The following APC2 variants were observed in gnomAD, a reference collection of about 807,000 sequenced individuals.
APC2 encodes the protein APC regulator of Wnt signaling pathway 2, also known as adenomatous polyposis coli protein 2.
A neutral mutation model predicts 72.5 loss-of-function variants in APC2; 41 were observed. That is an observed-to-expected ratio of 0.57 (90% CI 0.44 to 0.73). The LOEUF is 0.73. Among genes scored for constraint, APC2 ranks in the 30% least tolerant of loss-of-function variants. APC2 has a pLI of 0.00. For synonymous variants in APC2, 1,898 were observed against 1,612.0 expected, an observed-to-expected ratio of 1.18 and a Z score of -4.25; for missense variants, 3,729 against 3,403.4, an observed-to-expected ratio of 1.10 and a Z score of -2.38.
At chr19:1,460,473 C>T (rs971632816) in intron 11 of APC2, among the ~76,000 whole-genome samples, 153 bp downstream of exon 11, 6 of 152,256 alleles carry the variant, frequency 3.9e-5, no homozygotes, top group Middle Eastern at 3.2e-3. Context: ...CCAGAGAGTG[C>T]GGTGTGGGGG....
At position 1,452,729 on chromosome 19, in the gene APC2, C is replaced by G; in HGVS notation, c.-18-255C>G. ...ACTGGTCAGTTGGACGTTCAGCTGT[C>G]TGTACGTCTGTCTGCTGGCCCCTCT... On this transcript the variant is annotated intron_variant, in intron 1 of 14. Coordinates refer to ENST00000590469, the MANE Select transcript of APC2 (RefSeq NM_005883.3). This position sits in a 1 kb window ranked among gnomAD's most constrained non-coding sequence, Gnocchi z 5.1. 2 of 495,832 alleles carry G rather than the reference C, an allele frequency of 4.0e-6. No individual in the cohort carries two copies. Among genetic ancestry groups the G allele is most frequent in the Non-Finnish European group, 7.3e-6 (2 of 274,724 alleles). The allele number at this position is 495,832 out of a possible 1,614,324, so 30.7% of individuals were successfully genotyped here. A position where few individuals can be genotyped will look rare whatever the true frequency, so the allele number is the denominator to read the frequency against.
chr19:1,465,164 C>A lies in APC2; in HGVS notation c.1863C>A (p.Leu621=). 1 of 1,599,830 alleles carries A rather than the reference C, an allele frequency of 6.3e-7. No homozygotes were observed. Among genetic ancestry groups the A allele is most frequent in the South Asian group, 1.1e-5 (1 of 88,924 alleles). Reference sequence around the variant, plus strand: ...CGCCCTGTGCCTACAGGCAGGTGCTCCGGGATCACAACTGTCTGCAGACGC... The same window carrying A: ...CGCCCTGTGCCTACAGGCAGGTGCTACGGGATCACAACTGTCTGCAGACGC... ...VATREDYRQV[L]RDHNCLQTLL... Residue 621 remains leucine, a synonymous_variant, in exon 15 of 15, where the codon CTC becomes CTA. Coordinates refer to ENST00000590469, the MANE Select transcript of APC2 (RefSeq NM_005883.3).
At chr19:1,459,174 TGCAC>T (rs1211827124) in intron 10 of APC2, among the ~76,000 whole-genome samples, 2 of 152,140 alleles carry the variant, frequency 1.3e-5, no homozygotes, top group Non-Finnish European at 2.9e-5. Flanking sequence ...ATCCTCAAGG[TGCAC>T]CTACGCCATA....
upstream of APC2, among the ~76,000 whole-genome samples, chr19:1,449,965 C>T (rs1424422785): frequency 6.6e-6 from 1 of 152,170 alleles, no homozygotes; most frequent in Non-Finnish European, 1.5e-5. Flanking sequence ...CCCCCGCACT[C>T]ACGGCCCCTG....
At chr19:1,455,580 G>T (rs984205559) in intron 6 of APC2, 80 bp downstream of exon 6, 50 of 1,364,380 alleles carry the variant, frequency 3.7e-5, no homozygotes, top group Non-Finnish European at 4.9e-5. Context: ...TATTATGGGC[G>T]GGGTCTGGGG....
chr19:1,459,944 G>C (rs972563703), intron 10 of APC2, among the ~76,000 whole-genome samples: 1 of 152,220 alleles, frequency 6.6e-6, no homozygotes, highest in Non-Finnish European at 1.5e-5. Context: ...AGCCAGGACC[G>C]AGGGCTGACA....
chr19:1,455,613 C>T (rs373452170), intron 6 of APC2, 113 bp downstream of exon 6: 4 of 1,069,544 alleles, frequency 3.7e-6, no homozygotes, highest in East Asian at 2.6e-5. Context: ...TCTTATGCCT[C>T]CTGGGTTGGG....
chr19:1,464,749 C>T (rs1044348977), intron 14 of APC2, among the ~76,000 whole-genome samples: 41 of 149,832 alleles, frequency 2.7e-4, no homozygotes, highest in African/African-American at 7.9e-4. Context: ...GCTCGTGCCT[C>T]GGCCTCCCGG....
chr19:1,465,726 C>A lies in APC2; in HGVS notation c.2425C>A (p.Pro809Thr). The A allele has an allele frequency of 1.3e-6, 2 of 1,556,960 alleles. No homozygotes were observed. Among genetic ancestry groups the A allele is most frequent in the Non-Finnish European group, 8.7e-7 (1 of 1,153,190 alleles). The change falls in exon 15 of 15, where the codon CCC becomes ACC. Residue 809 changes from proline to threonine, a missense_variant. Pro to Thr is a conservative substitution (Grantham distance 38). Coordinates refer to ENST00000590469, the MANE Select transcript of APC2 (RefSeq NM_005883.3). ...CGCGCTGTCCCTCTTCCTGGGCAGCCCCTTCCTGCAGGGGCAGGCGCTGGC... is the reference window on the plus strand; with the variant it reads ...CGCGCTGTCCCTCTTCCTGGGCAGCACCTTCCTGCAGGGGCAGGCGCTGGC... ...PAALSLFLGS[P>T]FLQGQALART...
At chr19:1,451,728 G>C (rs2083745018) in intron 1 of APC2, 1 of 152,390 alleles carries the variant, frequency 6.6e-6, no homozygotes, top group Admixed American at 6.5e-5. Flanking sequence ...CTGAGACTCA[G>C]GACAGACCAA....
upstream of APC2, among the ~76,000 whole-genome samples, chr19:1,449,642 C>T (rs976102707): frequency 6.6e-6 from 1 of 152,092 alleles, no homozygotes; most frequent in Non-Finnish European, 1.5e-5. Flanking sequence ...CCCTCCTCCC[C>T]TCTCCCCTCC....
Position 1,470,679 on chromosome 19 carries a change from G to T in APC2, c.*466G>T, listed in dbSNP as rs1232251483. The T allele has an allele frequency of 6.2e-6, 1 of 160,332 alleles. No individual in the cohort carries two copies. Among genetic ancestry groups the T allele is most frequent in the East Asian group, 1.9e-4 (1 of 5,384 alleles). The allele number at this position is 160,332 out of a possible 1,614,324, so 9.9% of individuals were successfully genotyped here. On this transcript the variant is annotated 3_prime_UTR_variant, in exon 15 of 15. Coordinates refer to ENST00000590469, the MANE Select transcript of APC2 (RefSeq NM_005883.3). ...GCCGCGGCGGGCCTGCCAGCTGGGG[G>T]CCTTTGCGGCGCGCAGGGGCGAAGC...
intron 10 of APC2, among the ~76,000 whole-genome samples, chr19:1,458,808 C>G (rs767647156): frequency 6.6e-6 from 1 of 151,928 alleles, no homozygotes; most frequent in Non-Finnish European, 1.5e-5. Flanking sequence ...ACTCCACCTC[C>G]GAGTAGCTGG....
upstream of APC2, among the ~76,000 whole-genome samples, chr19:1,447,257 G>C (rs2083696186): frequency 6.6e-6 from 1 of 152,248 alleles, no homozygotes; most frequent in Admixed American, 6.5e-5. Flanking sequence ...CTCCCGATGG[G>C]GGCCGCCCCT....
intron 6 of APC2, among the ~76,000 whole-genome samples, chr19:1,455,714 T>C (rs1043450406): frequency 2.2e-4 from 32 of 147,748 alleles, no homozygotes; most frequent in Admixed American, 1.3e-3. Context: ...ACAAGGGCGG[T>C]GGGGTGCGAC....
At chr19:1,459,298 G>A (rs572560471) in intron 10 of APC2, among the ~76,000 whole-genome samples, 10 of 152,052 alleles carry the variant, frequency 6.6e-5, no homozygotes, top group African/African-American at 1.9e-4. Flanking sequence ...TCTGCCTCCC[G>A]GGTTTAAGCG....
chr19:1,466,160 C>T lies in APC2; in HGVS notation c.2859C>T (p.Arg953=). The T allele has an allele frequency of 6.4e-7, 1 of 1,565,464 alleles. No homozygotes were observed. The highest frequency in any genetic ancestry group is 8.6e-7 in the Non-Finnish European group (1 of 1,166,422). Reference sequence around the variant, plus strand: ...GCCCGCTGGCCGCACTGGCTTCGCGCCGCGAGGACCCCAGGTGTGGGCAGC... The same window carrying T: ...GCCCGCTGGCCGCACTGGCTTCGCGTCGCGAGGACCCCAGGTGTGGGCAGC... ...LPCPLAALAS[R]REDPRCGQPR... is the part of the protein sequence containing the mutation. Residue 953 remains arginine (R), a synonymous_variant, in exon 15 of 15, where the codon CGC becomes CGT. Coordinates refer to ENST00000590469, the MANE Select transcript of APC2 (RefSeq NM_005883.3).
chr19:1,460,988 G>C (rs1192695490), intron 12 of APC2, 49 bp from the exon 13 acceptor site: 1 of 1,604,552 alleles, frequency 6.2e-7, no homozygotes, highest in South Asian at 1.1e-5. Context: ...TGGGGGGTTT[G>C]GGGGGCCTGG....
At chr19:1,457,522 T>A in intron 9 of APC2, 1 of 541,074 alleles carries the variant, frequency 1.8e-6, no homozygotes, top group Non-Finnish European at 3.2e-6. Context: ...AGATTCTTTT[T>A]TTGCAGTTGA....
Sources: gnomAD v4.1 joint callset for allele counts (sites outside exome capture counted in the v4.1 genomes callset) on GRCh38, gnomAD v4.1.1 for gene constraint, Gnocchi (gnomAD v3.1) non-coding constraint, MANE v1.5 for transcripts, NCBI Gene and HGNC (gene_info 2026-07-23, HGNC 2026-07-21) for gene names.